FADS2: variants seen among roughly 807,000 people sequenced by gnomAD.
FADS2 encodes fatty acid desaturase 2.
A neutral mutation model predicts 61.2 loss-of-function variants in FADS2; 18 were observed. That is an observed-to-expected ratio of 0.29 (90% CI 0.20 to 0.44). The LOEUF (loss-of-function observed/expected upper bound fraction) is 0.44, where lower values mean the gene tolerates loss of function less well. Among genes scored for constraint, FADS2 ranks in the 20% least tolerant of loss-of-function variants. The pLI, the probability that FADS2 is intolerant of heterozygous loss-of-function variation, is 1.00. For synonymous variants in FADS2, 203 were observed against 223.9 expected, an observed-to-expected ratio of 0.91 and a Z score of 0.83; for missense variants, 322 against 572.7, an observed-to-expected ratio of 0.56 and a Z score of 4.47.
At chr11:61,857,431 A>G in intron 6 of FADS2, 23 bp from the exon 7 acceptor site, 1 of 1,609,170 alleles carries the variant, frequency 6.2e-7, no homozygotes, top group Non-Finnish European at 8.5e-7. Context: ...GGATGCCTCT[A>G]AGCGCCTGTC....
intron 8 of FADS2, 91 bp downstream of exon 8, chr11:61,863,160 C>T: frequency 6.9e-7 from 1 of 1,444,478 alleles, no homozygotes; most frequent in Non-Finnish European, 9.7e-7. Flanking sequence ...CTCCACTTTG[C>T]CTGGGGACCT....
At chr11:61,863,506 G>T in intron 9 of FADS2, 128 bp downstream of exon 9, 1 of 815,516 alleles carries the variant, frequency 1.2e-6, no homozygotes, top group Non-Finnish European at 2.0e-6. Flanking sequence ...TTTGCTGGGA[G>T]CTTCAGGGCT....
chr11:61,856,994 C>T lies in FADS2; in HGVS notation c.745-17C>T, dbSNP rs751549089. 4 of 1,610,642 alleles carry T rather than the reference C, an allele frequency of 2.5e-6. No individual in the cohort carries two copies. The Admixed American group carries it at 5.0e-5, about 20-fold the overall frequency. The stretch of plus-strand genomic sequence containing the variant: ...GCTGAGGCTACTGGGTGCTCATGAT[C>T]TCTCCTCTCTCCTCAGTACGGCAAG... On this transcript the variant is annotated splice_polypyrimidine_tract_variant and intron_variant, in intron 5 of 11. Coordinates refer to ENST00000278840, the MANE Select transcript of FADS2 (RefSeq NM_004265.4).
intron 1 of FADS2, among the ~76,000 whole-genome samples, chr11:61,819,846 C>T (rs1168239795): frequency 6.6e-6 from 1 of 150,916 alleles, no homozygotes; most frequent in African/African-American, 2.4e-5. Flanking sequence ...AGGTATATCT[C>T]CTAATGCTAT....
chr11:61,841,529 C>CA (rs2067217150), intron 4 of FADS2, among the ~76,000 whole-genome samples: 1 of 149,874 alleles, frequency 6.7e-6, no homozygotes, highest in Middle Eastern at 3.4e-3. Context: ...TGAGACCCCC[C>CA]CCCATCTCTC....
At chr11:61,825,332 T>G (rs886220714), upstream of FADS2, among the ~76,000 whole-genome samples, 1 of 151,910 alleles carries the variant, frequency 6.6e-6, no homozygotes, top group Non-Finnish European at 1.5e-5. Context: ...CAAAGGATAT[T>G]CTAGGCTGGG....
intron 5 of FADS2, among the ~76,000 whole-genome samples, chr11:61,850,618 T>G (rs2067298346): frequency 6.6e-6 from 1 of 151,956 alleles, no homozygotes; most frequent in Non-Finnish European, 1.5e-5. Flanking sequence ...AATACATTCT[T>G]TTTTTTTATG....
intron 1 of FADS2, among the ~76,000 whole-genome samples, chr11:61,834,605 G>T (rs2067155504): frequency 6.6e-6 from 1 of 152,216 alleles, no homozygotes; most frequent in South Asian, 2.1e-4. Flanking sequence ...CAGGGTTCGG[G>T]TGTTGGGGAG....
intron 7 of FADS2, among the ~76,000 whole-genome samples, chr11:61,858,430 C>T (rs1565336349): frequency 2.0e-5 from 3 of 152,076 alleles, no homozygotes; most frequent in Admixed American, 2.0e-4. Flanking sequence ...CTGCCCGCCT[C>T]AGCCTCACAA....
chr11:61,840,450 C>T lies in FADS2; in HGVS notation c.435C>T (p.Ser145=), dbSNP rs746663486. The stretch of plus-strand genomic sequence containing the variant: ...TGGCCCACATCATCGCCCTGGAGAG[C>T]ATTGCATGGTTCACTGTCTTTTACT... ...LLLAHIIALE[S]IAWFTVFYFG... The change falls in exon 3 of 12, where the codon AGC becomes AGT. Residue 145 remains serine, a synonymous_variant. Coordinates refer to ENST00000278840, the MANE Select transcript of FADS2 (RefSeq NM_004265.4). 1.2e-5 allele frequency: 19 copies of T among 1,614,176 alleles called. No homozygotes were observed. Among genetic ancestry groups the T allele is most frequent in the Non-Finnish European group, 1.5e-5 (18 of 1,180,032 alleles).
At chr11:61,834,204 C>T (rs1333460929) in intron 1 of FADS2, among the ~76,000 whole-genome samples, 2 of 152,178 alleles carry the variant, frequency 1.3e-5, no homozygotes, top group South Asian at 2.1e-4. Context: ...AAGGGCGGTC[C>T]GCACCAGGCC....
At chr11:61,837,957 CT>C in intron 2 of FADS2, 69 bp downstream of exon 2, 1 of 1,091,416 alleles carries the variant, frequency 9.2e-7, no homozygotes, top group Non-Finnish European at 1.4e-6. Flanking sequence ...CTGAGAGAGG[CT>C]CCCCTTGCCC....
rs557512552 is a variant in FADS2, at chr11:61,816,966, C to G, written c.141+540C>G. The G allele has an allele frequency of 3.6e-6, 5 of 1,372,090 alleles. No individual in the cohort carries two copies. In the South Asian group the frequency reaches 6.7e-5, roughly 18 times the overall value. The allele number at this position is 1,372,090 out of a possible 1,614,324, so 85.0% of individuals were successfully genotyped here. ...CGTGGCGCGGGGAGCGAGATCCCGT[C>G]CCCCGGTGGGTCTTGGGCAACTCAC... On this transcript the variant is annotated intron_variant, in intron 1 of 11. Coordinates refer to the FADS2 transcript ENST00000257261. This position sits in a 1 kb window ranked among gnomAD's most constrained non-coding sequence, Gnocchi z 7.0.
intron 1 of FADS2, among the ~76,000 whole-genome samples, chr11:61,836,089 TTTTG>T (rs146575878): frequency 1.3e-4 from 20 of 152,218 alleles, no homozygotes; most frequent in South Asian, 4.1e-4. Context: ...CAGGATGTTG[TTTTG>T]TTTGTTTGTT....
chr11:61,845,686 G>A (rs1252764506), intron 4 of FADS2, among the ~76,000 whole-genome samples: 1 of 151,636 alleles, frequency 6.6e-6, no homozygotes, highest in African/African-American at 2.4e-5. Flanking sequence ...TCAGCTACTC[G>A]GAAGGCTGAG....
chr11:61,831,612 T>A (rs1591165466), intron 1 of FADS2, among the ~76,000 whole-genome samples: 1 of 152,328 alleles, frequency 6.6e-6, no homozygotes, highest in African/African-American at 2.4e-5. Context: ...AACCCTGACC[T>A]TGCCTATAAT....
chr11:61,861,371 A>AAAAAAAAAAAAAAAAAAAAC (rs1555078396), intron 7 of FADS2, among the ~76,000 whole-genome samples: 4 of 106,452 alleles, frequency 3.8e-5, no homozygotes, highest in Non-Finnish European at 6.5e-5. Flanking sequence ...AAAAAAAAAA[A>AAAAAAAAAAAAAAAAAAAAC]CAGAAATTAG....
At chr11:61,854,940 G>A (rs1307094096) in intron 5 of FADS2, 1 of 152,280 alleles carries the variant, frequency 6.6e-6, no homozygotes, top group African/African-American at 2.4e-5. Context: ...TGGCTCCCGA[G>A]GGTCATTCTG....
At position 61,831,908 on chromosome 11, in the gene FADS2, T is replaced by G. The variant is rs1472878632; in HGVS notation, c.207+3311T>G. On this transcript the variant is annotated intron_variant, in intron 1 of 11. Transcript: ENST00000278840. ...AACCCTCACCCGCGCCCTAAGAGCG[T>G]GTCTGCTCTTTTCACAGCAGTCCCA... Among the ~76,000 whole-genome samples, 3 of 152,188 alleles carry G rather than the reference T, an allele frequency of 2.0e-5. No individual in the cohort carries two copies. The East Asian group carries it at 5.8e-4, about 29-fold the overall frequency.
Sources: gnomAD v4.1 joint callset for allele counts (sites outside exome capture counted in the v4.1 genomes callset) on GRCh38, gnomAD v4.1.1 for gene constraint, Gnocchi (gnomAD v3.1) non-coding constraint, MANE v1.5 for transcripts, NCBI Gene and HGNC (gene_info 2026-07-23, HGNC 2026-07-21) for gene names.